Variants in GRM7 observed in about 807,000 individuals in gnomAD.
The protein encoded by GRM7 is metabotropic glutamate receptor 7.
Under a neutral mutation model 84.5 loss-of-function variants are expected in GRM7, and 35 were observed. That is an observed-to-expected ratio of 0.41 (90% CI 0.32 to 0.55). The LOEUF is 0.55. Among genes scored for constraint, GRM7 ranks in the 20% least tolerant of loss-of-function variants. The pLI is 0.19. For missense variants in GRM7, 1,003 were observed against 1,194.6 expected (o/e 0.84, Z 2.36); for synonymous variants, 487 against 455.1 (o/e 1.07, Z -0.89).
intron 2 of GRM7, among the ~76,000 whole-genome samples, chr3:7,250,543 A>G (rs1169327333): frequency 1.8e-3 from 1 of 548 alleles, no homozygotes; most frequent in African/African-American, 6.9e-3. Flanking sequence ...AAAAATCCAA[A>G]AAAATCCCCA....
chr3:7,685,023 A>G (rs567918240), intron 9 of GRM7, among the ~76,000 whole-genome samples: 1 of 152,338 alleles, frequency 6.6e-6, no homozygotes, highest in South Asian at 2.1e-4. Flanking sequence ...TGAATTTGGC[A>G]TGTTTCCCTG....
chr3:7,240,107 T>G (rs1267814589), intron 2 of GRM7, among the ~76,000 whole-genome samples: 1 of 146,486 alleles, frequency 6.8e-6, no homozygotes, highest in African/African-American at 2.5e-5. Flanking sequence ...CCAGTAATCT[T>G]TTAGCATGTG....
intron 9 of GRM7, among the ~76,000 whole-genome samples, chr3:7,719,779 AACACACACACACACACACAC>A (rs71043692): frequency 4.5e-5 from 6 of 133,538 alleles, no homozygotes; most frequent in East Asian, 2.2e-4. Context: ...ACCACTGGGC[AACACACACACACACACACAC>A]ACACACACAC....
At chr3:7,030,114 AGAAT>A (rs1696136102) in intron 1 of GRM7, among the ~76,000 whole-genome samples, 1 of 152,240 alleles carries the variant, frequency 6.6e-6, no homozygotes, top group Non-Finnish European at 1.5e-5. Flanking sequence ...GCAATGAAAA[AGAAT>A]GGACTATCAA....
At chr3:7,327,083 A>T (rs894373324) in intron 4 of GRM7, among the ~76,000 whole-genome samples, 6 of 152,238 alleles carry the variant, frequency 3.9e-5, no homozygotes, top group Non-Finnish European at 8.8e-5. Context: ...ACTATTGAAG[A>T]TGTTAATTGG....
chr3:7,660,858 C>CA (rs1192387652), intron 8 of GRM7, among the ~76,000 whole-genome samples: 1 of 120,832 alleles, frequency 8.3e-6, no homozygotes, highest in African/African-American at 2.6e-5. Flanking sequence ...GGCAGAAGGG[C>CA]AATACAATGA....
At chr3:7,065,717 T>G (rs1697629657) in intron 1 of GRM7, among the ~76,000 whole-genome samples, 1 of 151,888 alleles carries the variant, frequency 6.6e-6, no homozygotes, top group African/African-American at 2.4e-5. Flanking sequence ...TTTTTTCTAA[T>G]TCTGTGAAGA....
At chr3:7,262,638 A>G (rs891357418) in intron 2 of GRM7, among the ~76,000 whole-genome samples, 22 of 152,188 alleles carry the variant, frequency 1.4e-4, no homozygotes, top group African/African-American at 5.1e-4. Context: ...AATTTTTGCT[A>G]AAGAACTGGT....
chr3:6,912,148 A>AG (rs1158964034), intron 1 of GRM7, among the ~76,000 whole-genome samples: 6 of 152,190 alleles, frequency 3.9e-5, no homozygotes, highest in African/African-American at 1.4e-4. Flanking sequence ...CTCCCACAGG[A>AG]CATTAATTGA....
intron 2 of GRM7, among the ~76,000 whole-genome samples, chr3:7,217,651 C>A (rs1291900261): frequency 6.6e-6 from 1 of 150,534 alleles, no homozygotes; most frequent in East Asian, 1.9e-4. Flanking sequence ...TAAAATCTTT[C>A]CAATTTCTGT....
chr3:7,373,528 C>A, intron 4 of GRM7, among the ~76,000 whole-genome samples: 1 of 152,174 alleles, frequency 6.6e-6, no homozygotes, highest in Admixed American at 6.5e-5. Flanking sequence ...AACGCAGCAC[C>A]AAGAAGCCAG....
intron 4 of GRM7, among the ~76,000 whole-genome samples, chr3:7,374,334 C>G (rs1694256674): frequency 6.6e-6 from 1 of 151,996 alleles, no homozygotes; most frequent in African/African-American, 2.4e-5. Context: ...GCCCATGTAC[C>G]ATCCCTGGCT....
At chr3:7,481,601 C>T (rs112154543) in intron 7 of GRM7, among the ~76,000 whole-genome samples, 7 of 152,084 alleles carry the variant, frequency 4.6e-5, no homozygotes, top group South Asian at 4.1e-4. Flanking sequence ...ACCTAGCTGG[C>T]AGGATTATTT....
At chr3:7,632,486 A>C (rs1218574679) in intron 8 of GRM7, among the ~76,000 whole-genome samples, 1 of 152,226 alleles carries the variant, frequency 6.6e-6, no homozygotes, top group Non-Finnish European at 1.5e-5. Context: ...CATTATTTAA[A>C]AGGAAATGCT....
chr3:7,461,486 TTCTCCTCGTTAAGTC>T, intron 6 of GRM7, 82 bp from the exon 7 acceptor site: 1 of 1,016,152 alleles, frequency 9.8e-7, no homozygotes, highest in African/African-American at 1.6e-5. Context: ...GTAACTACCT[TTCTCCTCGTTAAGTC>T]TCTAGCCTGT....
intron 7 of GRM7, among the ~76,000 whole-genome samples, chr3:7,478,120 A>G (rs1698994716): frequency 6.6e-6 from 1 of 152,024 alleles, no homozygotes; most frequent in South Asian, 2.1e-4. Context: ...CTCTGTGGTG[A>G]TTATGACTTC....
At chr3:6,895,454 C>T (rs1394903605) in intron 1 of GRM7, among the ~76,000 whole-genome samples, 1 of 152,162 alleles carries the variant, frequency 6.6e-6, no homozygotes, top group African/African-American at 2.4e-5. Context: ...ATGGTAAGAA[C>T]ACTACCAAAC....
At chr3:7,059,135 C>G (rs1205673156) in intron 1 of GRM7, among the ~76,000 whole-genome samples, 2 of 151,680 alleles carry the variant, frequency 1.3e-5, no homozygotes, top group Admixed American at 1.3e-4. Context: ...GGAGGAAAGT[C>G]TTTGAAGAGG....
At chr3:7,085,288 A>G (rs574188975) in intron 1 of GRM7, among the ~76,000 whole-genome samples, 5 of 152,338 alleles carry the variant, frequency 3.3e-5, no homozygotes, top group Non-Finnish European at 5.9e-5. Flanking sequence ...CCTGAGTTAT[A>G]TATCATGTTA....
Sources: allele counts gnomAD v4.1 joint callset (sites outside exome capture counted in the v4.1 genomes callset), GRCh38; gene constraint gnomAD v4.1.1; transcripts MANE v1.5; gene names NCBI Gene and HGNC (gene_info 2026-07-23, HGNC 2026-07-21).